ARFGEF3: variants seen among roughly 807,000 people sequenced by gnomAD.
ARFGEF3 encodes the protein brefeldin A-inhibited guanine nucleotide-exchange protein 3.
A neutral mutation model predicts 221.7 loss-of-function variants in ARFGEF3; 96 were observed. The ratio of observed to expected loss-of-function variants is 0.43; its 90% CI spans 0.37 to 0.51. ARFGEF3 has a LOEUF of 0.51. Ranked by LOEUF, ARFGEF3 falls within the 20% of genes least tolerant of loss-of-function variation. The probability of loss-of-function intolerance (pLI) is 0.00; values close to 1 mark genes in which losing one functional copy is unlikely to be tolerated. For synonymous variants in ARFGEF3, 1,145 were observed against 1,126.8 expected, an observed-to-expected ratio of 1.02 and a Z score of -0.32; for missense variants, 2,410 against 2,789.9, an observed-to-expected ratio of 0.86 and a Z score of 3.07.
intron 5 of ARFGEF3, among the ~76,000 whole-genome samples, chr6:138,237,099 T>G (rs955499303): frequency 6.6e-5 from 10 of 152,170 alleles, no homozygotes; most frequent in Admixed American, 1.3e-4. Context: ...TATGTTCACC[T>G]AGTTAATTCT....
At chr6:138,304,380 C>T (rs1238903458) in intron 22 of ARFGEF3, among the ~76,000 whole-genome samples, 4 of 151,976 alleles carry the variant, frequency 2.6e-5, no homozygotes, top group Admixed American at 1.3e-4. Context: ...ATGGGTACTG[C>T]GTTTTTTGAG....
chr6:138,206,379 T>TAATGTTGC, intron 2 of ARFGEF3, among the ~76,000 whole-genome samples: 2 of 150,624 alleles, frequency 1.3e-5, no homozygotes, highest in Non-Finnish European at 2.9e-5. Flanking sequence ...TGACACTAGA[T>TAATGTTGC]AATGTTGCAT....
At chr6:138,280,313 A>T (rs1414996662) in intron 14 of ARFGEF3, 149 bp downstream of exon 14, 1 of 737,760 alleles carries the variant, frequency 1.4e-6, no homozygotes, top group African/African-American at 1.8e-5. Context: ...GTTCCAGGGA[A>T]GTGTCATGAG....
intron 7 of ARFGEF3, among the ~76,000 whole-genome samples, chr6:138,244,947 T>G (rs1778457898): frequency 6.6e-6 from 1 of 152,230 alleles, no homozygotes; most frequent in East Asian, 1.9e-4. Context: ...TGAGTGATTT[T>G]TATTAATAAG....
In ARFGEF3 at chr6:138,333,980, A is replaced by G. The variant is rs769205831; in HGVS notation, c.5134A>G (p.Arg1712Gly). ...NGHTKKSVSF[R>G]EIVVSLLSHQ... ...TCTTTTCACTTGAAGCGTGTCTTTC[A>G]GGGAAATTGTGGTGAGCCTGCTGTC... Residue 1712 changes from arginine (R) to glycine (G), a missense_variant, in exon 33 of 34, where the codon AGG (arginine) becomes GGG (glycine). Around this residue, in one of 5 missense-constraint regions of ARFGEF3, gnomAD observed 723 missense variants for 991.9 expected, o/e 0.73. Transcript: ENST00000251691. 2.9e-5 allele frequency: 47 copies of G among 1,604,832 alleles called. No homozygotes were observed. The Admixed American group carries it at 7.9e-4, about 27-fold the overall frequency.
chr6:138,238,697 G>T lies in ARFGEF3; in HGVS notation c.543+66G>T, dbSNP rs544881814. The T allele has an allele frequency of 1.3e-4, 202 of 1,537,662 alleles. No individual in the cohort carries two copies. The East Asian group carries it at 4.2e-3, about 32-fold the overall frequency. ...GTGTCTGTGTATCCCATGCCCCGGGGCCCCCACTGCCAGGGCTGCCTGCCT... is the reference window on the plus strand; with the variant it reads ...GTGTCTGTGTATCCCATGCCCCGGGTCCCCCACTGCCAGGGCTGCCTGCCT... On this transcript the variant is annotated intron_variant, in intron 6 of 33. Coordinates refer to ENST00000251691, the MANE Select transcript of ARFGEF3 (RefSeq NM_020340.5).
chr6:138,273,927 G>A (rs1420836346), intron 12 of ARFGEF3, among the ~76,000 whole-genome samples: 3 of 152,132 alleles, frequency 2.0e-5, no homozygotes, highest in African/African-American at 7.2e-5. Context: ...AAATTTGCCA[G>A]CTCTTTGTAA....
Position 138,209,947 on chromosome 6 carries a change from C to T in ARFGEF3, c.257C>T (p.Thr86Ile). ...GAAGAGAGGTTTGTATCCATGGAAACAGATTCTGATGAGAAGCAGCTGCTC... is the reference window on the plus strand; with the variant it reads ...GAAGAGAGGTTTGTATCCATGGAAATAGATTCTGATGAGAAGCAGCTGCTC... ...LSEERFVSMETDSDEKQLLNQ... is the reference protein window; with the variant it reads ...LSEERFVSMEIDSDEKQLLNQ... The change falls in exon 4 of 34, where the codon ACA (threonine) becomes ATA (isoleucine). Residue 86 changes from threonine to isoleucine, a missense_variant. This residue lies in a region of ARFGEF3 where 570 missense variants were observed against 586.9 expected (regional missense o/e 0.97). Transcript: ENST00000251691. 1.2e-6 allele frequency: 2 copies of T among 1,613,860 alleles called. No individual in the cohort carries two copies. Among genetic ancestry groups the T allele is most frequent in the Non-Finnish European group, 1.7e-6 (2 of 1,179,826 alleles).
intron 19 of ARFGEF3, among the ~76,000 whole-genome samples, chr6:138,293,767 G>A (rs1474644146): frequency 6.6e-6 from 1 of 152,006 alleles, no homozygotes; most frequent in African/African-American, 2.4e-5. Context: ...AGACCATGAG[G>A]GCACAAAGAT....
chr6:138,273,436 A>G lies in ARFGEF3; in HGVS notation c.2129-5015A>G, dbSNP rs6934042. Among the ~76,000 whole-genome samples, 1,242 of 152,326 alleles carry G rather than the reference A, an allele frequency of 8.2e-3. 20 individuals carry two copies. Among genetic ancestry groups the G allele is most frequent in the African/African-American group, 0.028 (1,159 of 41,572 alleles). Reference sequence around the variant, plus strand: ...ATTATAGAGAGAGAGAATGAACTTTAGTTACTGAACACTGGGCAATGCAAA... The same window carrying G: ...ATTATAGAGAGAGAGAATGAACTTTGGTTACTGAACACTGGGCAATGCAAA... On this transcript the variant is annotated intron_variant, in intron 12 of 33. Transcript: ENST00000251691.
At chr6:138,335,702 C>G (rs1479931291) in intron 33 of ARFGEF3, among the ~76,000 whole-genome samples, 1 of 152,022 alleles carries the variant, frequency 6.6e-6, no homozygotes, top group East Asian at 1.9e-4. Context: ...ATAGAGAGAC[C>G]CTGTCTTTAA....
intron 4 of ARFGEF3, 99 bp downstream of exon 4, chr6:138,210,140 C>A: frequency 1.7e-6 from 2 of 1,180,552 alleles, no homozygotes; most frequent in Non-Finnish European, 2.4e-6. Flanking sequence ...TGTGGTCATG[C>A]TAGCTCATCT....
In ARFGEF3 at chr6:138,254,661, C is replaced by T. The variant is rs1300541598; in HGVS notation, c.770+677C>T. Among the ~76,000 whole-genome samples, 13 of 151,858 alleles carry T rather than the reference C, an allele frequency of 8.6e-5. No individual in the cohort carries two copies. The East Asian group carries it at 1.9e-3, about 23-fold the overall frequency. On this transcript the variant is annotated intron_variant, in intron 9 of 33. Transcript: ENST00000251691. Reference sequence around the variant, plus strand: ...AGGAGAATCACTTGAACCCGGGAGGCGGAGGTTGCAGTGAGCCGAGATCGT... The same window carrying T: ...AGGAGAATCACTTGAACCCGGGAGGTGGAGGTTGCAGTGAGCCGAGATCGT...
intron 4 of ARFGEF3, among the ~76,000 whole-genome samples, chr6:138,219,746 A>C (rs1258704195): frequency 6.6e-6 from 1 of 152,092 alleles, no homozygotes; most frequent in Non-Finnish European, 1.5e-5. Flanking sequence ...GACTGAGTTC[A>C]TATTATCAGG....
At chr6:138,214,755 T>C (rs1777803370) in intron 4 of ARFGEF3, among the ~76,000 whole-genome samples, 1 of 152,212 alleles carries the variant, frequency 6.6e-6, no homozygotes, top group Admixed American at 6.5e-5. Flanking sequence ...AGGATAGTAT[T>C]CTCATTTAGA....
rs1777263501 is a variant in ARFGEF3 at position 138,189,921 on chromosome 6, A to G, written c.138-17121A>G. Among the ~76,000 whole-genome samples the G allele has an allele frequency of 2.0e-5, 3 of 151,964 alleles. No individual in the cohort carries two copies. In the South Asian group the frequency reaches 6.2e-4, roughly 32 times the overall value. On this transcript the variant is annotated intron_variant, in intron 2 of 33. Transcript: ENST00000251691. ...TTGCAAAAATCCCGTCTCTACAAAC[A>G]ACTTTTTAAAAAATTAGCCAGCCAT...
At chr6:138,261,172 A>G (rs574449781) in intron 10 of ARFGEF3, among the ~76,000 whole-genome samples, 1 of 152,336 alleles carries the variant, frequency 6.6e-6, no homozygotes, top group South Asian at 2.1e-4. Context: ...ACTTGATACC[A>G]AAATAAGACA....
At chr6:138,264,684 AG>A (rs1175216781) in intron 12 of ARFGEF3, among the ~76,000 whole-genome samples, 1 of 152,132 alleles carries the variant, frequency 6.6e-6, no homozygotes, top group Non-Finnish European at 1.5e-5. Flanking sequence ...CTGCTCTTTG[AG>A]GGCTGAGACC....
intron 12 of ARFGEF3, among the ~76,000 whole-genome samples, chr6:138,268,278 G>A (rs186318672): frequency 6.6e-6 from 1 of 152,272 alleles, no homozygotes. Context: ...AGAAGAGTGG[G>A]AGAAGGGAAA....
Sources: gnomAD v4.1 joint callset for allele counts (sites outside exome capture counted in the v4.1 genomes callset) on GRCh38, gnomAD v4.1.1 for gene constraint, gnomAD v4.1.1 regional missense constraint, MANE v1.5 for transcripts, NCBI Gene and HGNC (gene_info 2026-07-23, HGNC 2026-07-21) for gene names.